The following ACACB variants were observed in gnomAD, a reference collection of about 807,000 sequenced individuals.
The protein encoded by ACACB is acetyl-CoA carboxylase beta.
A neutral mutation model predicts 278.8 loss-of-function variants in ACACB; 209 were observed. That is an observed-to-expected ratio of 0.75 (90% CI 0.67 to 0.84). The LOEUF (loss-of-function observed/expected upper bound fraction) is 0.84. ACACB is among the 40% of genes least tolerant of loss of function. The pLI is 0.00. For missense variants in ACACB, 2,850 were observed against 3,269.0 expected (o/e 0.87, Z 3.13); for synonymous variants, 1,174 against 1,285.6 (o/e 0.91, Z 1.86).
At position 109,166,853 on chromosome 12, in the gene ACACB, T is replaced by C. The variant is rs781691986; in HGVS notation, c.654-8T>C. On this transcript the variant is annotated splice_region_variant and splice_polypyrimidine_tract_variant and intron_variant, in intron 2 of 52. Transcript: ENST00000338432. Reference sequence around the variant, plus strand: ...CATGCACGTCTGTCCCTCATTCTTATTCTGCAGGCCGAGCATGTCGGGACT... The same window carrying C: ...CATGCACGTCTGTCCCTCATTCTTACTCTGCAGGCCGAGCATGTCGGGACT... The C allele has an allele frequency of 7.4e-6, 12 of 1,613,948 alleles. No individual in the cohort carries two copies. In the East Asian group the frequency reaches 2.7e-4, roughly 36 times the overall value.
In ACACB at chr12:109,238,396, A is replaced by G. The variant is rs958408348; in HGVS notation, c.4662+1016A>G. 1.2e-4 allele frequency among the ~76,000 whole-genome samples: 17 copies of G among 137,026 alleles called. No homozygotes were observed. In the East Asian group the frequency reaches 2.0e-3, roughly 16 times the overall value. The allele number at this position is 137,026 out of a possible 152,430, so 89.9% of individuals were successfully genotyped here. A position where few individuals can be genotyped will look rare whatever the true frequency, so the allele number is the denominator to read the frequency against. On this transcript the variant is annotated intron_variant, in intron 34 of 52. Coordinates refer to ENST00000338432, the MANE Select transcript of ACACB (RefSeq NM_001093.4). ...TTGATGGAAACATATATATATTATT[A>G]TATATATAATTATATATAATAATAT...
intron 28 of ACACB, among the ~76,000 whole-genome samples, chr12:109,229,389 T>C (rs1396743849): frequency 3.3e-5 from 5 of 152,118 alleles, no homozygotes; most frequent in Non-Finnish European, 5.9e-5. Context: ...CAGGCCACAC[T>C]CTCACCTCCA....
intron 20 of ACACB, 39 bp downstream of exon 20, chr12:109,206,895 G>T: frequency 1.9e-6 from 3 of 1,612,404 alleles, no homozygotes; most frequent in Non-Finnish European, 2.5e-6. Flanking sequence ...AGACCAGTGC[G>T]GAGGGTCAGA....
At chr12:109,165,092 ATCT>A (rs1201364507) in intron 2 of ACACB, among the ~76,000 whole-genome samples, 1 of 152,300 alleles carries the variant, frequency 6.6e-6, no homozygotes, top group East Asian at 1.9e-4. Flanking sequence ...CCATTCTACC[ATCT>A]TCTTAAGTGG....
chr12:109,169,001 C>T (rs968411984), intron 4 of ACACB, among the ~76,000 whole-genome samples: 3 of 151,920 alleles, frequency 2.0e-5, no homozygotes, highest in African/African-American at 7.3e-5. Flanking sequence ...AAAAATTTGC[C>T]GGGCATGGTG....
At chr12:109,115,229 A>G (rs1303810373), upstream of ACACB, among the ~76,000 whole-genome samples, 2 of 152,218 alleles carry the variant, frequency 1.3e-5, no homozygotes, top group African/African-American at 4.8e-5. Flanking sequence ...GAGGACACTG[A>G]AGCTCAGCCA....
chr12:109,189,393 G>A (rs1447636398), intron 13 of ACACB, among the ~76,000 whole-genome samples: 2 of 152,200 alleles, frequency 1.3e-5, no homozygotes, highest in Non-Finnish European at 2.9e-5. Context: ...GGAGTAGGCG[G>A]AAGACAGGTC....
At chr12:109,206,153 C>T (rs1050248059) in intron 19 of ACACB, among the ~76,000 whole-genome samples, 2 of 151,874 alleles carry the variant, frequency 1.3e-5, no homozygotes, top group Admixed American at 6.6e-5. Context: ...ACAAACAGAT[C>T]GGCCGGGCGC....
At chr12:109,259,228 C>A in intron 47 of ACACB, 120 bp downstream of exon 47, 1 of 1,256,872 alleles carries the variant, frequency 8.0e-7, no homozygotes, top group Non-Finnish European at 1.1e-6. Context: ...CTGTGTCTCC[C>A]AACAACCCTG....
intron 18 of ACACB, among the ~76,000 whole-genome samples, chr12:109,200,647 CA>C (rs1342439740): frequency 1.3e-5 from 2 of 152,076 alleles, no homozygotes; most frequent in African/African-American, 4.8e-5. Flanking sequence ...ACCTTCCCAG[CA>C]AATATATGAG....
chr12:109,127,874 AC>A (rs1054492228), intron 1 of ACACB, among the ~76,000 whole-genome samples: 6 of 152,116 alleles, frequency 3.9e-5, no homozygotes, highest in African/African-American at 1.4e-4. Flanking sequence ...AAAAGTTGTC[AC>A]GTATCTTCTT....
intron 2 of ACACB, among the ~76,000 whole-genome samples, chr12:109,149,534 T>C (rs1456047639): frequency 1.3e-5 from 2 of 152,136 alleles, no homozygotes; most frequent in Non-Finnish European, 2.9e-5. Context: ...CAGTGAGCTA[T>C]GATTGTGCCA....
At chr12:109,199,284 G>A (rs898843914) in intron 17 of ACACB, 118 bp from the exon 18 acceptor site, 1 of 868,842 alleles carries the variant, frequency 1.2e-6, no homozygotes, top group African/African-American at 1.8e-5. Flanking sequence ...CCACCCTTTG[G>A]GAATGTAGAG....
chr12:109,216,559 A>G, intron 22 of ACACB, 59 bp from the exon 23 acceptor site: 1 of 1,520,010 alleles, frequency 6.6e-7, no homozygotes, highest in East Asian at 2.3e-5. Flanking sequence ...AAAAATACTA[A>G]ATATTCAGGT....
intron 1 of ACACB, among the ~76,000 whole-genome samples, chr12:109,117,359 CAAA>C (rs36115918): frequency 1.2e-4 from 14 of 114,014 alleles, no homozygotes; most frequent in Admixed American, 2.7e-4. Flanking sequence ...GACTCTGTCT[CAAA>C]AAAAAAAAAA....
chr12:109,255,924 C>A (rs2047212980), intron 44 of ACACB, among the ~76,000 whole-genome samples: 1 of 152,160 alleles, frequency 6.6e-6, no homozygotes, highest in Non-Finnish European at 1.5e-5. Flanking sequence ...AGACTGAATT[C>A]TTGACTTGGT....
intron 3 of ACACB, among the ~76,000 whole-genome samples, chr12:109,167,621 G>GTGTATATATATATA (rs1555210640): frequency 1.0e-4 from 8 of 77,528 alleles, no homozygotes; most frequent in African/African-American, 3.0e-4. Flanking sequence ...ATATGTATGT[G>GTGTATATATATATA]TATATATATA....
At chr12:109,215,056 A>G (rs2045953859) in intron 22 of ACACB, among the ~76,000 whole-genome samples, 1 of 151,888 alleles carries the variant, frequency 6.6e-6, no homozygotes, top group South Asian at 2.1e-4. Context: ...TGATTGCACC[A>G]CTGCACTCCA....
chr12:109,211,516 G>A (rs975286321), intron 21 of ACACB, among the ~76,000 whole-genome samples: 2 of 152,070 alleles, frequency 1.3e-5, no homozygotes, highest in African/African-American at 4.8e-5. Context: ...GCCTCCCAGA[G>A]TGCTGGGATT....
Sources: gnomAD v4.1 joint callset for allele counts (sites outside exome capture counted in the v4.1 genomes callset) on GRCh38, gnomAD v4.1.1 for gene constraint, MANE v1.5 for transcripts, NCBI Gene and HGNC (gene_info 2026-07-23, HGNC 2026-07-21) for gene names.